The following MARCHF11 variants were observed in gnomAD, a reference collection of about 807,000 sequenced individuals.
MARCHF11 encodes the protein membrane associated ring-CH-type finger 11.
A neutral mutation model predicts 37.3 loss-of-function variants in MARCHF11; 29 were observed. That is an observed-to-expected ratio of 0.78 (90% CI 0.58 to 1.06). MARCHF11 has a LOEUF of 1.06. MARCHF11 is among the 50% of genes least tolerant of loss of function. The pLI is 0.00. For synonymous variants in MARCHF11, 233 were observed against 228.0 expected (o/e 1.02, Z -0.20); for missense variants, 482 against 533.4 (o/e 0.90, Z 0.95).
chr5:16,165,304 T>C (rs1041806614), intron 2 of MARCHF11, among the ~76,000 whole-genome samples: 1 of 152,082 alleles, frequency 6.6e-6, no homozygotes, highest in Admixed American at 6.6e-5. Flanking sequence ...GTTACAAAGG[T>C]TGTGCAAACA....
chr5:16,177,064 T>C (rs915507924), intron 2 of MARCHF11, among the ~76,000 whole-genome samples: 8 of 152,214 alleles, frequency 5.3e-5, no homozygotes, highest in African/African-American at 1.4e-4. Flanking sequence ...TTTATGTGTA[T>C]TATGTTATTA....
intron 2 of MARCHF11, among the ~76,000 whole-genome samples, chr5:16,169,042 A>C (rs1469547650): frequency 6.6e-6 from 1 of 152,234 alleles, no homozygotes; most frequent in East Asian, 1.9e-4. Flanking sequence ...ATTGTGTGAA[A>C]GATGCTTCCT....
intron 2 of MARCHF11, among the ~76,000 whole-genome samples, chr5:16,140,482 C>T (rs967480762): frequency 6.6e-6 from 1 of 152,080 alleles, no homozygotes; most frequent in African/African-American, 2.4e-5. Context: ...ATACCCCTCC[C>T]GAAATGCACC....
chr5:16,089,936 A>C (rs1336393961), intron 3 of MARCHF11, among the ~76,000 whole-genome samples: 3 of 152,192 alleles, frequency 2.0e-5, no homozygotes, highest in Admixed American at 2.0e-4. Flanking sequence ...ATTGGAAACC[A>C]AGTCTCTTGA....
At chr5:16,135,259 C>G (rs886320769) in intron 2 of MARCHF11, among the ~76,000 whole-genome samples, 1 of 152,078 alleles carries the variant, frequency 6.6e-6, no homozygotes, top group African/African-American at 2.4e-5. Context: ...GGGTCATTTA[C>G]AGAGGATAAA....
chr5:16,170,841 A>C (rs896206488), intron 2 of MARCHF11, among the ~76,000 whole-genome samples: 1 of 152,150 alleles, frequency 6.6e-6, no homozygotes, highest in Non-Finnish European at 1.5e-5. Context: ...TCAGAAGGGA[A>C]TATTCCAAGG....
intron 2 of MARCHF11, among the ~76,000 whole-genome samples, chr5:16,123,177 T>C (rs1737340986): frequency 6.6e-6 from 1 of 152,202 alleles, no homozygotes; most frequent in African/African-American, 2.4e-5. Flanking sequence ...TACTTACATG[T>C]TGAAATCCTA....
At chr5:16,097,821 T>C (rs150313922) in intron 2 of MARCHF11, among the ~76,000 whole-genome samples, 209 of 152,300 alleles carry the variant, frequency 1.4e-3, no homozygotes, top group Admixed American at 3.9e-3. Context: ...GGACAGAACA[T>C]TTTCCAACTC....
chr5:16,098,745 G>A (rs1736909587), intron 2 of MARCHF11, among the ~76,000 whole-genome samples: 1 of 147,750 alleles, frequency 6.8e-6, no homozygotes. Flanking sequence ...TCCAGCCTGA[G>A]AGGCAGAGTG....
intron 2 of MARCHF11, among the ~76,000 whole-genome samples, chr5:16,124,311 A>G (rs1737363313): frequency 6.6e-6 from 1 of 152,228 alleles, no homozygotes; most frequent in Non-Finnish European, 1.5e-5. Context: ...ACTATTAGCA[A>G]GAAGGACGAG....
At chr5:16,102,806 G>T (rs1251585556) in intron 2 of MARCHF11, among the ~76,000 whole-genome samples, 1 of 152,278 alleles carries the variant, frequency 6.6e-6, no homozygotes. Context: ...GGGCCAGTTT[G>T]GGGTTTGTTC....
chr5:16,092,879 A>G (rs1245996670), intron 2 of MARCHF11, among the ~76,000 whole-genome samples: 1 of 152,220 alleles, frequency 6.6e-6, no homozygotes, highest in East Asian at 1.9e-4. Flanking sequence ...ATTTATTCCA[A>G]ACTGCCAGGC....
rs141694155 is a variant in MARCHF11, at chr5:16,159,776, T to C, written c.693+17950A>G. On this transcript the variant is annotated intron_variant, in intron 2 of 3. Transcript: ENST00000332432. ...CCATCAATGATTGATCCTCAGGAGA[T>C]GGTCGGTGCCTCAATAGTTACTGCT... is the stretch of plus-strand genomic sequence containing the variant. 1.2e-4 allele frequency among the ~76,000 whole-genome samples: 18 copies of C among 152,076 alleles called. No homozygotes were observed. The East Asian group carries it at 3.3e-3, about 28-fold the overall frequency.
intron 2 of MARCHF11, among the ~76,000 whole-genome samples, chr5:16,146,673 G>A (rs1321684987): frequency 6.6e-6 from 1 of 152,198 alleles, no homozygotes; most frequent in Non-Finnish European, 1.5e-5. Flanking sequence ...TGAGAAGCCA[G>A]ATAATCTGTT....
At chr5:16,169,045 T>C (rs1251512441) in intron 2 of MARCHF11, among the ~76,000 whole-genome samples, 2 of 152,098 alleles carry the variant, frequency 1.3e-5, no homozygotes, top group South Asian at 2.1e-4. Context: ...GTGTGAAAGA[T>C]GCTTCCTTCT....
At chr5:16,069,632 A>C (rs552306729) in intron 3 of MARCHF11, among the ~76,000 whole-genome samples, 1 of 152,164 alleles carries the variant, frequency 6.6e-6, no homozygotes, top group African/African-American at 2.4e-5. Context: ...GATAGGATAG[A>C]GAAATAAAGT....
intron 3 of MARCHF11, among the ~76,000 whole-genome samples, chr5:16,080,434 C>T (rs1410079294): frequency 1.1e-4 from 16 of 152,226 alleles, no homozygotes; most frequent in Admixed American, 6.5e-4. Flanking sequence ...GTTTCAACTA[C>T]CAGATACAAA....
intron 2 of MARCHF11, among the ~76,000 whole-genome samples, chr5:16,110,566 T>C (rs1737120154): frequency 1.3e-5 from 2 of 152,216 alleles, no homozygotes; most frequent in Admixed American, 1.3e-4. Flanking sequence ...TAAATATGTT[T>C]TTTAGAAATG....
chr5:16,070,581 A>C (rs543571531), intron 3 of MARCHF11, among the ~76,000 whole-genome samples: 1 of 152,316 alleles, frequency 6.6e-6, no homozygotes, highest in South Asian at 2.1e-4. Flanking sequence ...TTTCCTTTGC[A>C]AGGCCAGAAA....
Sources: gnomAD v4.1 joint callset for allele counts (sites outside exome capture counted in the v4.1 genomes callset) on GRCh38, gnomAD v4.1.1 for gene constraint, MANE v1.5 for transcripts, NCBI Gene and HGNC (gene_info 2026-07-23, HGNC 2026-07-21) for gene names.